PDE9A: variants seen among roughly 807,000 people sequenced by gnomAD.
The protein encoded by PDE9A is high affinity cGMP-specific 3',5'-cyclic phosphodiesterase 9A.
Under a neutral mutation model 87.4 loss-of-function variants are expected in PDE9A, and 60 were observed. The observed-to-expected ratio is 0.69, with a 90% CI of 0.56 to 0.85. PDE9A has a LOEUF of 0.85. PDE9A is among the 40% of genes least tolerant of loss of function. The probability of loss-of-function intolerance (pLI) is 0.00; values close to 1 mark genes in which losing one functional copy is unlikely to be tolerated. For missense variants in PDE9A, 665 were observed against 779.0 expected (o/e 0.85, Z 1.74); for synonymous variants, 272 against 279.4 (o/e 0.97, Z 0.27).
rs1045301277 is a variant in PDE9A, at chr21:42,762,389, C to T, written c.1242+150C>T. 1.3e-5 allele frequency: 10 copies of T among 767,534 alleles called. No individual in the cohort carries two copies. The Admixed American group carries it at 2.0e-4, about 16-fold the overall frequency. 47.5% of individuals were successfully genotyped at this position (767,534 alleles called of 1,614,324 possible). A position where few individuals can be genotyped will look rare whatever the true frequency, so the allele number is the denominator to read the frequency against. ...GAACCCCTCCCTCCTTCCTCACCTC[C>T]TCCAGGGCCCAGAGTGGAGCCCCAA... is the stretch of plus-strand genomic sequence containing the variant. On this transcript the variant is annotated intron_variant, in intron 14 of 19. Transcript: ENST00000291539.
intron 1 of PDE9A, among the ~76,000 whole-genome samples, chr21:42,669,398 C>T (rs771334962): frequency 7.9e-5 from 12 of 152,222 alleles, no homozygotes; most frequent in Non-Finnish European, 1.6e-4. Flanking sequence ...CTCCTTCCCA[C>T]TGAGTTTCAC....
intron 1 of PDE9A, among the ~76,000 whole-genome samples, chr21:42,669,531 A>G (rs1000085777): frequency 2.6e-5 from 4 of 152,212 alleles, no homozygotes; most frequent in African/African-American, 7.2e-5. Flanking sequence ...ACATTAAATT[A>G]GGAGATGAAC....
At position 42,679,299 on chromosome 21, in the gene PDE9A, C is replaced by T. The variant is rs112215353; in HGVS notation, c.70-6893C>T. On this transcript the variant is annotated intron_variant, in intron 1 of 19. Coordinates refer to ENST00000291539, the MANE Select transcript of PDE9A (RefSeq NM_002606.3). The stretch of plus-strand genomic sequence containing the variant: ...GCATCCTCCAAGTATGATTTCCACT[C>T]GGAACCCTGAGCTGCCTCATCCCTC... 4.6e-5 allele frequency among the ~76,000 whole-genome samples: 7 copies of T among 152,326 alleles called. 2 individuals carry two copies. Among genetic ancestry groups the T allele is most frequent in the African/African-American group, 1.7e-4 (7 of 41,570 alleles).
intron 1 of PDE9A, 144 bp from the exon 2 acceptor site, chr21:42,686,048 T>C: frequency 1.6e-6 from 1 of 624,402 alleles, no homozygotes; most frequent in Non-Finnish European, 2.9e-6. Flanking sequence ...AAGATGAGCC[T>C]GTGACATTCC....
At chr21:42,654,441 C>G (rs113020732) in intron 1 of PDE9A, among the ~76,000 whole-genome samples, 21,174 of 152,192 alleles carry the variant, frequency 0.14, 1,766 homozygotes, top group Non-Finnish European at 0.2. Flanking sequence ...GAATGTCCAG[C>G]GTTCCTAGCG....
intron 1 of PDE9A, among the ~76,000 whole-genome samples, chr21:42,666,641 C>T (rs1463204978): frequency 1.3e-5 from 2 of 152,192 alleles, no homozygotes; most frequent in East Asian, 1.9e-4. Flanking sequence ...GGGCTGGCAC[C>T]TCCTCCCCGT....
chr21:42,744,933 G>A (rs1464470920), intron 8 of PDE9A, among the ~76,000 whole-genome samples: 1 of 152,216 alleles, frequency 6.6e-6, no homozygotes, highest in Non-Finnish European at 1.5e-5. Context: ...CTCCATGCCC[G>A]CTGGTGCCAG....
chr21:42,665,654 G>A (rs1480575747), intron 1 of PDE9A, among the ~76,000 whole-genome samples: 1 of 152,170 alleles, frequency 6.6e-6, no homozygotes, highest in Non-Finnish European at 1.5e-5. Flanking sequence ...CCGCTCCTAG[G>A]AAGCCGGATG....
Position 42,722,107 on chromosome 21 carries a change from C to A in PDE9A, c.263-9663C>A, listed in dbSNP as rs1027804953. ...TCTCCTGCCTCAGCCTCCCGAGTAG[C>A]TGGGATTACAGGCACGTACCACCAT... On this transcript the variant is annotated intron_variant, in intron 4 of 19. Transcript: ENST00000291539. This position sits in a 1 kb window ranked among gnomAD's most constrained non-coding sequence, Gnocchi z 4.1. 4.6e-5 allele frequency among the ~76,000 whole-genome samples: 7 copies of A among 152,010 alleles called. No homozygotes were observed. Among genetic ancestry groups the A allele is most frequent in the Admixed American group, 1.3e-4 (2 of 15,264 alleles).
At chr21:42,728,115 T>C (rs539784887) in intron 4 of PDE9A, among the ~76,000 whole-genome samples, 1 of 152,252 alleles carries the variant, frequency 6.6e-6, no homozygotes, top group Non-Finnish European at 1.5e-5. Flanking sequence ...CAGTACAGTA[T>C]AGCAACTCTT....
At chr21:42,757,495 TTTGCTGAGGC>T (rs1479181744) in intron 10 of PDE9A, 1 of 152,220 alleles carries the variant, frequency 6.6e-6, no homozygotes. Context: ...CCTGTCCTAG[TTTGCTGAGGC>T]TGCCATAACA....
At chr21:42,757,750 T>C (rs557794574) in intron 10 of PDE9A, 12 of 152,350 alleles carry the variant, frequency 7.9e-5, no homozygotes, top group African/African-American at 2.9e-4. Flanking sequence ...TGCTGGGTCC[T>C]CATGTGGCCT....
chr21:42,718,463 T>C (rs1291943351), intron 4 of PDE9A, among the ~76,000 whole-genome samples: 1 of 151,750 alleles, frequency 6.6e-6, no homozygotes, highest in African/African-American at 2.4e-5. Context: ...TGCGGTTTTT[T>C]ATAATCTTTT....
chr21:42,748,238 G>A (rs536574290), intron 8 of PDE9A, among the ~76,000 whole-genome samples: 51 of 152,314 alleles, frequency 3.3e-4, no homozygotes, highest in Non-Finnish European at 5.6e-4. Flanking sequence ...CGCAGAAAAC[G>A]TTCGTTACTT....
intron 8 of PDE9A, among the ~76,000 whole-genome samples, chr21:42,747,291 G>A: frequency 6.6e-6 from 1 of 151,760 alleles, no homozygotes; most frequent in Non-Finnish European, 1.5e-5. Context: ...CGGATGACTG[G>A]GGAGAGGAGC....
At chr21:42,658,721 C>T (rs1187540888) in intron 1 of PDE9A, among the ~76,000 whole-genome samples, 1 of 152,212 alleles carries the variant, frequency 6.6e-6, no homozygotes, top group African/African-American at 2.4e-5. Flanking sequence ...GGCGGCTCTC[C>T]TCGCCATCCT....
chr21:42,743,879 C>T lies in PDE9A; in HGVS notation c.653+19C>T, dbSNP rs1304089273. The T allele has an allele frequency of 1.3e-6, 2 of 1,486,794 alleles. No homozygotes were observed. Among genetic ancestry groups the T allele is most frequent in the South Asian group, 1.2e-5 (1 of 83,274 alleles). The allele number at this position is 1,486,794 out of a possible 1,614,324, so 92.1% of individuals were successfully genotyped here. A position where few individuals can be genotyped will look rare whatever the true frequency, so the allele number is the denominator to read the frequency against. On this transcript the variant is annotated intron_variant, in intron 8 of 19. Transcript: ENST00000291539. ...GCAGCAGGTAGGGTCTGCGCTGGGG[C>T]CACGGGCGGCCGGGCCTGGGGAGGG...
intron 15 of PDE9A, among the ~76,000 whole-genome samples, chr21:42,766,353 A>G (rs2056399037): frequency 6.6e-6 from 1 of 151,994 alleles, no homozygotes; most frequent in African/African-American, 2.4e-5. Context: ...GAGGTGCATG[A>G]GAACTGCCCT....
intron 1 of PDE9A, among the ~76,000 whole-genome samples, chr21:42,656,481 AG>A (rs2145769295): frequency 6.6e-6 from 1 of 152,360 alleles, no homozygotes; most frequent in African/African-American, 2.4e-5. Context: ...AAGTTGTCTG[AG>A]GGAGGCCCCG....
Sources: allele counts gnomAD v4.1 joint callset (sites outside exome capture counted in the v4.1 genomes callset), GRCh38; gene constraint gnomAD v4.1.1; non-coding constraint Gnocchi (gnomAD v3.1); transcripts MANE v1.5; gene names NCBI Gene and HGNC (gene_info 2026-07-23, HGNC 2026-07-21).